Variants in EPM2A observed in about 807,000 individuals in gnomAD.
The protein encoded by EPM2A is laforin.
A neutral mutation model predicts 26.5 loss-of-function variants in EPM2A; 21 were observed. The ratio of observed to expected loss-of-function variants is 0.79; its 90% CI spans 0.56 to 1.14. The LOEUF (loss-of-function observed/expected upper bound fraction) is 1.14, where lower values mean the gene tolerates loss of function less well. Ranked by LOEUF, EPM2A falls within the 50% of genes most tolerant of loss-of-function variation. The probability of loss-of-function intolerance (pLI) is 0.00; values close to 1 mark genes in which losing one functional copy is unlikely to be tolerated. For synonymous variants in EPM2A, 217 were observed against 177.6 expected, an observed-to-expected ratio of 1.22 and a Z score of -1.76; for missense variants, 458 against 440.8, an observed-to-expected ratio of 1.04 and a Z score of -0.35.
chr6:145,431,227 C>A (rs1582749813), intron 4 of EPM2A, among the ~76,000 whole-genome samples: 1 of 152,064 alleles, frequency 6.6e-6, no homozygotes, highest in South Asian at 2.1e-4. Flanking sequence ...CAAAAGAGAA[C>A]AGAATACACT....
chr6:145,677,244 A>G (rs1348933013), intron 2 of EPM2A, among the ~76,000 whole-genome samples: 1 of 152,216 alleles, frequency 6.6e-6, no homozygotes. Flanking sequence ...CCTTCATGCT[A>G]AAAACTCTCA....
At chr6:145,652,876 G>A (rs1028494965) in intron 2 of EPM2A, among the ~76,000 whole-genome samples, 1 of 152,040 alleles carries the variant, frequency 6.6e-6, no homozygotes, top group African/African-American at 2.4e-5. Flanking sequence ...CCAATGAAGG[G>A]AGGAATCTAG....
chr6:145,696,775 A>ATGTGTGTGTGTGTG (rs35621582), intron 1 of EPM2A, among the ~76,000 whole-genome samples: 2 of 135,216 alleles, frequency 1.5e-5, no homozygotes, highest in African/African-American at 5.5e-5. Context: ...AGGTAGGGGT[A>ATGTGTGTGTGTGTG]TGTGTGTGTG....
At chr6:145,536,922 A>G (rs1780439742) in intron 2 of EPM2A, among the ~76,000 whole-genome samples, 3 of 152,224 alleles carry the variant, frequency 2.0e-5, no homozygotes, top group Admixed American at 1.3e-4. Context: ...AGGAGGCTTC[A>G]GGTGTGCCCT....
intron 2 of EPM2A, among the ~76,000 whole-genome samples, chr6:145,580,229 C>T (rs893519958): frequency 1.3e-5 from 2 of 151,984 alleles, no homozygotes; most frequent in Admixed American, 1.3e-4. Context: ...TATAAGGCTG[C>T]CAGAGATGAA....
intron 4 of EPM2A, among the ~76,000 whole-genome samples, chr6:145,417,111 C>T (rs936475440): frequency 2.0e-5 from 3 of 152,128 alleles, no homozygotes; most frequent in South Asian, 4.1e-4. Flanking sequence ...TTAGGAAGCT[C>T]GTTATGCTGG....
chr6:145,666,109 C>G (rs1261064389), intron 2 of EPM2A, among the ~76,000 whole-genome samples: 2 of 146,954 alleles, frequency 1.4e-5, no homozygotes, highest in African/African-American at 5.1e-5. Flanking sequence ...TGGCACAAGA[C>G]AGGGATGCCC....
chr6:145,673,733 G>A (rs546254991), intron 2 of EPM2A, among the ~76,000 whole-genome samples: 11 of 152,210 alleles, frequency 7.2e-5, no homozygotes, highest in East Asian at 3.9e-4. Flanking sequence ...AGGGGAGGGC[G>A]TCTGCTATTG....
downstream of EPM2A, among the ~76,000 whole-genome samples, chr6:145,496,894 C>T (rs954577675): frequency 2.4e-4 from 37 of 152,054 alleles, no homozygotes; most frequent in Middle Eastern, 3.4e-3. Context: ...CCCGCCACCG[C>T]GCCCGGCTAA....
chr6:145,715,625 A>T (rs1775573348), intron 1 of EPM2A, among the ~76,000 whole-genome samples: 1 of 152,196 alleles, frequency 6.6e-6, no homozygotes, highest in East Asian at 1.9e-4. Flanking sequence ...CTGTATTTAC[A>T]GCTGCTCCCC....
chr6:145,731,967 T>C (rs1426778758), intron 1 of EPM2A, among the ~76,000 whole-genome samples: 2 of 152,136 alleles, frequency 1.3e-5, no homozygotes, highest in Admixed American at 6.5e-5. Context: ...AAAGGAAAAA[T>C]TATTTTAAGA....
At chr6:145,587,557 T>C (rs1327215763) in intron 2 of EPM2A, among the ~76,000 whole-genome samples, 6 of 152,202 alleles carry the variant, frequency 3.9e-5, no homozygotes, top group Non-Finnish European at 4.4e-5. Flanking sequence ...AAACAGCTGT[T>C]CCTTGACTTC....
chr6:145,581,779 G>C (rs1781117891), intron 2 of EPM2A, among the ~76,000 whole-genome samples: 1 of 152,068 alleles, frequency 6.6e-6, no homozygotes, highest in Non-Finnish European at 1.5e-5. Context: ...TGTAAACTTT[G>C]TCAAAAATCA....
intron 1 of EPM2A, among the ~76,000 whole-genome samples, chr6:145,704,330 T>C (rs1782096541): frequency 6.6e-6 from 1 of 152,208 alleles, no homozygotes; most frequent in Non-Finnish European, 1.5e-5. Context: ...TATAAGATTA[T>C]ATACAAACTA....
Position 145,452,033 on chromosome 6 carries a change from C to T in EPM2A, c.555+50489G>A, listed in dbSNP as rs116523432. ...CTTGCTAGCATTCTCCTTCCCGTGT[C>T]AGTACAGCCCTTCGTTCTTCTTTGG... On this transcript the variant is annotated intron_variant, in intron 4 of 4. Transcript: ENST00000638717. Among the ~76,000 whole-genome samples the T allele has an allele frequency of 1.8e-3, 270 of 152,264 alleles. 1 individual carries two copies. The highest frequency in any genetic ancestry group is 6.2e-3 in the African/African-American group (257 of 41,552).
At chr6:145,437,279 G>C (rs572292044) in intron 4 of EPM2A, among the ~76,000 whole-genome samples, 2 of 151,876 alleles carry the variant, frequency 1.3e-5, no homozygotes, top group Non-Finnish European at 2.9e-5. Flanking sequence ...CTTCTCCCAT[G>C]ATTGTAAGTT....
At chr6:145,617,381 C>T (rs1385434511) in intron 2 of EPM2A, among the ~76,000 whole-genome samples, 1 of 152,140 alleles carries the variant, frequency 6.6e-6, no homozygotes, top group Non-Finnish European at 1.5e-5. Context: ...TCAATTATGT[C>T]TTTATCAGCA....
At chr6:145,523,209 T>C (rs1202061377) in intron 2 of EPM2A, among the ~76,000 whole-genome samples, 1 of 152,216 alleles carries the variant, frequency 6.6e-6, no homozygotes, top group Non-Finnish European at 1.5e-5. Context: ...ATGTGCATTT[T>C]CAAAATAAAT....
At chr6:145,590,541 C>T (rs9386125) in intron 2 of EPM2A, among the ~76,000 whole-genome samples, 65,103 of 151,784 alleles carry the variant, frequency 0.43, 14,514 homozygotes, top group African/African-American at 0.52. Flanking sequence ...ATTACTTCCC[C>T]TTCCCCATAC....
Sources: gnomAD v4.1 joint callset for allele counts (sites outside exome capture counted in the v4.1 genomes callset) on GRCh38, gnomAD v4.1.1 for gene constraint, MANE v1.5 for transcripts, NCBI Gene and HGNC (gene_info 2026-07-23, HGNC 2026-07-21) for gene names.